ROBO1: variants seen among roughly 807,000 people sequenced by gnomAD.
ROBO1 encodes the protein roundabout homolog 1.
In ROBO1, 149 loss-of-function variants were observed where a neutral mutation model predicts 195.9. The observed-to-expected ratio is 0.76, with a 90% CI of 0.67 to 0.87. The LOEUF is 0.87. Ranked by LOEUF, ROBO1 falls within the 40% of genes least tolerant of loss-of-function variation. The pLI, the probability that ROBO1 is intolerant of heterozygous loss-of-function variation, is 0.00. For synonymous variants in ROBO1, 816 were observed against 733.2 expected, an observed-to-expected ratio of 1.11 and a Z score of -1.82; for missense variants, 1,933 against 2,068.3, an observed-to-expected ratio of 0.93 and a Z score of 1.27.
intron 2 of ROBO1, among the ~76,000 whole-genome samples, chr3:79,345,309 T>C (rs1448920074): frequency 6.6e-6 from 1 of 152,210 alleles, no homozygotes; most frequent in Non-Finnish European, 1.5e-5. Context: ...ATAGTGCTTT[T>C]GGCTGTTCTT....
At position 79,352,383 on chromosome 3, in the gene ROBO1, G is replaced by A. The variant is rs978884852; in HGVS notation, c.89-226844C>T. On this transcript the variant is annotated intron_variant, in intron 2 of 30. Coordinates refer to ENST00000464233, the MANE Select transcript of ROBO1 (RefSeq NM_002941.4). ...AGGTTACAGGTCCCAGGTATCCATC[G>A]CTCAGCTTCCCCACTGGTAGTGTCT... Among the ~76,000 whole-genome samples, 5 of 152,076 alleles carry A rather than the reference G, an allele frequency of 3.3e-5. No homozygotes were observed. In the East Asian group the frequency reaches 5.8e-4, roughly 18 times the overall value.
intron 10 of ROBO1, among the ~76,000 whole-genome samples, chr3:78,672,175 G>C (rs1278769492): frequency 6.6e-6 from 1 of 152,108 alleles, no homozygotes. Flanking sequence ...ACAGATAAGG[G>C]AGTGCTTGGC....
intron 21 of ROBO1, among the ~76,000 whole-genome samples, chr3:78,642,097 C>A (rs369107713): frequency 6.6e-6 from 1 of 151,666 alleles, no homozygotes; most frequent in African/African-American, 2.4e-5. Context: ...CTTATATATT[C>A]GAGCTTAAGA....
intron 2 of ROBO1, among the ~76,000 whole-genome samples, chr3:79,227,205 G>C (rs907654494): frequency 1.3e-5 from 2 of 152,010 alleles, no homozygotes; most frequent in African/African-American, 4.8e-5. Flanking sequence ...CACCTTCACT[G>C]GCTCCCTAGC....
chr3:79,380,324 A>G (rs1274404015), intron 2 of ROBO1, among the ~76,000 whole-genome samples: 1 of 152,128 alleles, frequency 6.6e-6, no homozygotes, highest in Non-Finnish European at 1.5e-5. Context: ...TGGCTAGTAT[A>G]TCCTCTTTTT....
At chr3:79,410,917 C>T (rs2037739780) in intron 2 of ROBO1, among the ~76,000 whole-genome samples, 1 of 152,070 alleles carries the variant, frequency 6.6e-6, no homozygotes, top group Non-Finnish European at 1.5e-5. Context: ...AAACAAAAGT[C>T]ATAAGATTAG....
chr3:79,116,274 C>T (rs917302189), intron 3 of ROBO1, among the ~76,000 whole-genome samples: 2 of 151,778 alleles, frequency 1.3e-5, no homozygotes, highest in African/African-American at 4.8e-5. Flanking sequence ...TTCCTTCCTT[C>T]CTTTCTTTTC....
At chr3:78,718,368 G>T (rs1475334617) in intron 5 of ROBO1, among the ~76,000 whole-genome samples, 3 of 152,110 alleles carry the variant, frequency 2.0e-5, no homozygotes, top group Admixed American at 6.6e-5. Context: ...ATTTGCCAGA[G>T]TTGCTTTAAA....
At chr3:78,946,215 A>C (rs2107737258) in intron 3 of ROBO1, among the ~76,000 whole-genome samples, 1 of 152,296 alleles carries the variant, frequency 6.6e-6, no homozygotes, top group African/African-American at 2.4e-5. Flanking sequence ...CAAGACACAT[A>C]ATTGTCAGAT....
chr3:79,253,066 T>C (rs995432520), intron 2 of ROBO1, among the ~76,000 whole-genome samples: 8 of 152,186 alleles, frequency 5.3e-5, no homozygotes, highest in African/African-American at 1.2e-4. Context: ...CACACATTTA[T>C]ATACTGTGCA....
At chr3:78,703,700 A>G (rs1378240268) in intron 8 of ROBO1, among the ~76,000 whole-genome samples, 1 of 152,058 alleles carries the variant, frequency 6.6e-6, no homozygotes, top group East Asian at 1.9e-4. Context: ...GATTAGTATT[A>G]AGAGTATCCA....
At chr3:79,317,003 T>C (rs575939695) in intron 2 of ROBO1, among the ~76,000 whole-genome samples, 2 of 152,240 alleles carry the variant, frequency 1.3e-5, no homozygotes, top group South Asian at 4.2e-4. Context: ...GAACATACAC[T>C]TTTTTTCACA....
At chr3:79,733,210 C>T (rs764269916) in intron 1 of ROBO1, among the ~76,000 whole-genome samples, 2 of 152,154 alleles carry the variant, frequency 1.3e-5, no homozygotes, top group Non-Finnish European at 2.9e-5. Context: ...GATTGGACTC[C>T]CATTACCTCT....
chr3:79,198,372 C>A (rs888982878), intron 2 of ROBO1, among the ~76,000 whole-genome samples: 2 of 151,754 alleles, frequency 1.3e-5, no homozygotes, highest in East Asian at 1.9e-4. Flanking sequence ...ATTTCTGAGG[C>A]CTCTTTTCTG....
At chr3:79,193,106 C>T (rs969438388) in intron 2 of ROBO1, among the ~76,000 whole-genome samples, 3 of 151,608 alleles carry the variant, frequency 2.0e-5, no homozygotes, top group Non-Finnish European at 4.4e-5. Context: ...CTAGGAGTTT[C>T]AGGTTTGAGG....
intron 18 of ROBO1, among the ~76,000 whole-genome samples, chr3:78,654,468 G>A (rs570012537): frequency 3.9e-5 from 6 of 152,174 alleles, no homozygotes; most frequent in South Asian, 2.1e-4. Flanking sequence ...AAAGTTCACC[G>A]AGCAGACCTA....
intron 3 of ROBO1, among the ~76,000 whole-genome samples, chr3:79,105,756 A>T (rs2079766633): frequency 6.6e-6 from 1 of 151,816 alleles, no homozygotes; most frequent in South Asian, 2.1e-4. Flanking sequence ...GTATGTAATG[A>T]AAAGAGTATA....
intron 30 of ROBO1, 110 bp downstream of exon 30, chr3:78,600,003 T>C (rs775270260): frequency 1.1e-6 from 1 of 892,010 alleles, no homozygotes; most frequent in Admixed American, 1.8e-5. Flanking sequence ...ATTAGAGTAC[T>C]GAAAAGTTTG....
At chr3:78,827,429 C>A (rs1357360656) in intron 4 of ROBO1, among the ~76,000 whole-genome samples, 1 of 152,148 alleles carries the variant, frequency 6.6e-6, no homozygotes, top group African/African-American at 2.4e-5. Flanking sequence ...ATCTGAGCTT[C>A]TAAAGTTAAA....
Sources: allele counts gnomAD v4.1 joint callset (sites outside exome capture counted in the v4.1 genomes callset), GRCh38; gene constraint gnomAD v4.1.1; transcripts MANE v1.5; gene names NCBI Gene and HGNC (gene_info 2026-07-23, HGNC 2026-07-21).